Variants in IGDCC3 observed in about 807,000 individuals in gnomAD.
IGDCC3 encodes putative neuronal cell adhesion molecule.
In IGDCC3, 47 loss-of-function variants were observed where a neutral mutation model predicts 72.0. The observed-to-expected ratio is 0.65, with a 90% CI of 0.52 to 0.83. The LOEUF (loss-of-function observed/expected upper bound fraction) is 0.83, where lower values mean the gene tolerates loss of function less well. Ranked by LOEUF, IGDCC3 falls within the 40% of genes least tolerant of loss-of-function variation. The pLI is 0.00. For synonymous variants in IGDCC3, 477 were observed against 472.8 expected, an observed-to-expected ratio of 1.01 and a Z score of -0.11; for missense variants, 1,038 against 1,091.3, an observed-to-expected ratio of 0.95 and a Z score of 0.69.
At chr15:65,356,098 T>TTAAG in intron 2 of IGDCC3, 1 of 220,036 alleles carries the variant, frequency 4.5e-6, no homozygotes, top group Admixed American at 5.8e-5. Flanking sequence ...CAGTTGTCCT[T>TTAAG]AATTCAGGAA....
chr15:65,367,210 G>A (rs975642056), intron 2 of IGDCC3, among the ~76,000 whole-genome samples: 1 of 151,332 alleles, frequency 6.6e-6, no homozygotes, highest in African/African-American at 2.4e-5. Flanking sequence ...GCCAGGTGTG[G>A]TGGTGCATGC....
intron 2 of IGDCC3, among the ~76,000 whole-genome samples, chr15:65,341,143 A>G (rs1431874223): frequency 6.6e-6 from 1 of 152,228 alleles, no homozygotes; most frequent in East Asian, 1.9e-4. Flanking sequence ...GTATTAAAAA[A>G]AGAGAGAGAG....
chr15:65,366,505 A>C (rs745738715), intron 2 of IGDCC3, among the ~76,000 whole-genome samples: 13 of 152,244 alleles, frequency 8.5e-5, no homozygotes, highest in Admixed American at 4.6e-4. Context: ...AGACCAATAT[A>C]TGAAATGTGG....
intron 2 of IGDCC3, among the ~76,000 whole-genome samples, chr15:65,361,082 G>A (rs2091257125): frequency 6.6e-6 from 1 of 152,066 alleles, no homozygotes; most frequent in East Asian, 1.9e-4. Flanking sequence ...TAGCCGACCT[G>A]GCCCATTTCA....
chr15:65,366,228 A>C (rs1232637495), intron 2 of IGDCC3, among the ~76,000 whole-genome samples: 2 of 144,282 alleles, frequency 1.4e-5, no homozygotes, highest in African/African-American at 5.3e-5. Context: ...AAAAAAAAAA[A>C]ACTAGCTGGA....
In IGDCC3 at chr15:65,329,934, G is replaced by T; in HGVS notation, c.1859-70C>A. The stretch of plus-strand genomic sequence containing the variant: ...AGCACTCCCAAACACCCAGCCTCTG[G>T]GGACTCCTCTTCCTTCAGCTGCTCC... On this transcript the variant is annotated intron_variant, in intron 11 of 13. Coordinates refer to ENST00000327987, the MANE Select transcript of IGDCC3 (RefSeq NM_004884.4). The surrounding 1 kb of genome is among the most constrained non-coding windows in gnomAD (Gnocchi z 4.1). 2 of 1,551,058 alleles carry T rather than the reference G, an allele frequency of 1.3e-6. No homozygotes were observed. Among genetic ancestry groups the T allele is most frequent in the East Asian group, 2.3e-5 (1 of 44,436 alleles).
intron 2 of IGDCC3, among the ~76,000 whole-genome samples, chr15:65,338,719 G>A (rs1190658135): frequency 2.0e-5 from 3 of 152,034 alleles, no homozygotes; most frequent in African/African-American, 4.8e-5. Context: ...GAGACCCTGG[G>A]CAGGCAGCAT....
chr15:65,348,434 T>C (rs1244719937), intron 2 of IGDCC3, among the ~76,000 whole-genome samples: 1 of 152,048 alleles, frequency 6.6e-6, no homozygotes, highest in South Asian at 2.1e-4. Flanking sequence ...ACAGCTACCT[T>C]TGGGTAAGTG....
At position 65,330,707 on chromosome 15, in the gene IGDCC3, C is replaced by T. The variant is rs1290482568; in HGVS notation, c.1596G>A (p.Leu532=). 1 of 1,612,432 alleles carries T rather than the reference C, an allele frequency of 6.2e-7. No individual in the cohort carries two copies. Among genetic ancestry groups the T allele is most frequent in the African/African-American group, 1.3e-5 (1 of 75,016 alleles). The change falls in exon 10 of 14, where the codon CTG becomes CTA. Residue 532 remains leucine, a synonymous_variant. Transcript: ENST00000327987. ...PAPPPLSVRV[L]GSSSLQLLWE... ...ACAGCAGCTGCAAGGAGGAGCTGCCCAGGACTCGCACTGACAGTGGGGGTG... is the reference window on the plus strand; with the variant it reads ...ACAGCAGCTGCAAGGAGGAGCTGCCTAGGACTCGCACTGACAGTGGGGGTG...
At chr15:65,350,481 A>G (rs1332001882) in intron 2 of IGDCC3, among the ~76,000 whole-genome samples, 6 of 138,236 alleles carry the variant, frequency 4.3e-5, no homozygotes, top group African/African-American at 1.7e-4. Context: ...TTTTTTCTTG[A>G]GACAGAGTCT....
At chr15:65,363,382 T>C (rs632970) in intron 2 of IGDCC3, among the ~76,000 whole-genome samples, 27,181 of 152,098 alleles carry the variant, frequency 0.18, 3,163 homozygotes, top group East Asian at 0.38. Context: ...AGCGAGTGTG[T>C]AGCACTGAGC....
At chr15:65,367,620 T>TGGCCACTCTCCA (rs1567072013) in intron 2 of IGDCC3, among the ~76,000 whole-genome samples, 1 of 151,834 alleles carries the variant, frequency 6.6e-6, no homozygotes, top group Non-Finnish European at 1.5e-5. Context: ...ATGTAAGGCC[T>TGGCCACTCTCCA]CCCGCCACCC....
Position 65,370,558 on chromosome 15 carries a change from GTATATATATATGTA to G in IGDCC3, c.409+4525_409+4538del, listed in dbSNP as rs1364666382. Among the ~76,000 whole-genome samples the G allele has an allele frequency of 2.9e-3, 375 of 127,554 alleles. 1 individual carries two copies. The highest frequency in any genetic ancestry group is 0.011 in the African/African-American group (350 of 32,948). The allele number at this position is 127,554 out of a possible 152,430, so 83.7% of individuals were successfully genotyped here. A position where few individuals can be genotyped will look rare whatever the true frequency, so the allele number is the denominator to read the frequency against. ...TATATTTATATATATATGTGTGTGT[GTATATATATATGTA>G]TGTATATATATGTATGTATATATAT... On this transcript the variant is annotated intron_variant, in intron 2 of 13. Transcript: ENST00000327987.
intron 2 of IGDCC3, among the ~76,000 whole-genome samples, chr15:65,359,551 C>A (rs2091247630): frequency 6.6e-6 from 1 of 152,178 alleles, no homozygotes; most frequent in African/African-American, 2.4e-5. Context: ...ACTCACCAGG[C>A]CAAGCCCTTC....
chr15:65,345,557 C>T lies in IGDCC3; in HGVS notation c.410-9601G>A, dbSNP rs539105258. Among the ~76,000 whole-genome samples, 42 of 149,562 alleles carry T rather than the reference C, an allele frequency of 2.8e-4. No homozygotes were observed. The East Asian group carries it at 4.5e-3, about 16-fold the overall frequency. On this transcript the variant is annotated intron_variant, in intron 2 of 13. Coordinates refer to ENST00000327987, the MANE Select transcript of IGDCC3 (RefSeq NM_004884.4). The stretch of plus-strand genomic sequence containing the variant: ...TAACAGAGTGAGACCCTGTCTCACA[C>T]GCACACACACACACACACACACGCA...
Position 65,335,185 on chromosome 15 carries a change from G to A in IGDCC3, c.685+106C>T, listed in dbSNP as rs577560768. 84 of 1,257,816 alleles carry A rather than the reference G, an allele frequency of 6.7e-5. 2 individuals are homozygous for A. Among genetic ancestry groups the A allele is most frequent in the South Asian group, 5.9e-4 (41 of 69,478 alleles). 77.9% of individuals were successfully genotyped at this position (1,257,816 alleles called of 1,614,324 possible). ...ACAGAGCCCGGCACTCTGCACGCAC[G>A]TGGCTGAGAAGGCTGCAGAGGCCAG... is the stretch of plus-strand genomic sequence containing the variant. On this transcript the variant is annotated intron_variant, in intron 4 of 13. Coordinates refer to ENST00000327987, the MANE Select transcript of IGDCC3 (RefSeq NM_004884.4).
chr15:65,333,753 C>T (rs149297025), intron 5 of IGDCC3, among the ~76,000 whole-genome samples: 5 of 152,314 alleles, frequency 3.3e-5, no homozygotes, highest in Non-Finnish European at 7.4e-5. Flanking sequence ...GATCCATGGT[C>T]AAATATCCAT....
At chr15:65,374,580 T>A (rs1302106771) in intron 2 of IGDCC3, among the ~76,000 whole-genome samples, 2 of 152,156 alleles carry the variant, frequency 1.3e-5, no homozygotes, top group Non-Finnish European at 2.9e-5. Context: ...CCTACCATAT[T>A]TTTTTAATGC....
Position 65,329,015 on chromosome 15 carries a change from G to C in IGDCC3, c.2339C>G (p.Ala780Gly), listed in dbSNP as rs137945720. Residue 780 changes from alanine to glycine, a missense_variant, in exon 14 of 14, where the codon GCG (alanine) becomes GGG (glycine). Transcript: ENST00000327987. This position sits in a 1 kb window ranked among gnomAD's most constrained non-coding sequence, Gnocchi z 4.1. ...TCCATCTGGGGGTGGTGGGGCAGCCGCCAGGCCGGCGCAGGGAGCCGTGGC... is the reference window on the plus strand; with the variant it reads ...TCCATCTGGGGGTGGTGGGGCAGCCCCCAGGCCGGCGCAGGGAGCCGTGGC... ...TEATAPCAGL[A>G]AAPPPPDGGP... is the part of the protein sequence containing the mutation. 4.3e-6 allele frequency: 7 copies of C among 1,611,776 alleles called. No individual in the cohort carries two copies. The highest frequency in any genetic ancestry group is 2.2e-5 in the East Asian group (1 of 44,840).
Sources: allele counts gnomAD v4.1 joint callset (sites outside exome capture counted in the v4.1 genomes callset), GRCh38; gene constraint gnomAD v4.1.1; non-coding constraint Gnocchi (gnomAD v3.1); transcripts MANE v1.5; gene names NCBI Gene and HGNC (gene_info 2026-07-23, HGNC 2026-07-21).